Variants in SPAG17 observed in about 807,000 individuals in gnomAD.
The protein encoded by SPAG17 is sperm-associated antigen 17.
A neutral mutation model predicts 273.6 loss-of-function variants in SPAG17; 169 were observed. The observed-to-expected ratio is 0.62, with a 90% confidence interval of 0.55 to 0.70. The LOEUF (loss-of-function observed/expected upper bound fraction) is 0.70. Among genes scored for constraint, SPAG17 ranks in the 30% least tolerant of loss-of-function variants. SPAG17 has a pLI of 0.00. For synonymous variants in SPAG17, 825 were observed against 873.2 expected (o/e 0.94, Z 0.97); for missense variants, 2,557 against 2,627.8 (o/e 0.97, Z 0.59).
intron 41 of SPAG17, 77 bp from the exon 42 acceptor site, chr1:117,983,990 G>A: frequency 3.2e-6 from 2 of 630,538 alleles, no homozygotes; most frequent in South Asian, 2.6e-5. Context: ...AAATTAATAA[G>A]CAATAATGAA....
intron 3 of SPAG17, among the ~76,000 whole-genome samples, chr1:118,134,308 T>C (rs1194083554): frequency 6.6e-6 from 1 of 152,180 alleles, no homozygotes; most frequent in African/African-American, 2.4e-5. Flanking sequence ...AACATCACAG[T>C]ATGTGGAAAT....
At chr1:118,133,762 G>A (rs894518389) in intron 3 of SPAG17, among the ~76,000 whole-genome samples, 2 of 152,106 alleles carry the variant, frequency 1.3e-5, no homozygotes, top group Non-Finnish European at 2.9e-5. Flanking sequence ...TGCAGGGCCC[G>A]GACGATGGCT....
intron 18 of SPAG17, among the ~76,000 whole-genome samples, chr1:118,056,337 T>C (rs1651669578): frequency 6.6e-6 from 1 of 152,208 alleles, no homozygotes; most frequent in Non-Finnish European, 1.5e-5. Context: ...TTAGGAACTT[T>C]TAAAATTGAG....
chr1:117,997,569 A>AC (rs1402403727), intron 32 of SPAG17, among the ~76,000 whole-genome samples: 1 of 149,904 alleles, frequency 6.7e-6, no homozygotes, highest in African/African-American at 2.4e-5. Context: ...TGAGAAGTAA[A>AC]AAAAAAAAAA....
chr1:117,989,325 A>G (rs1656802926), intron 38 of SPAG17, among the ~76,000 whole-genome samples: 1 of 152,194 alleles, frequency 6.6e-6, no homozygotes, highest in Middle Eastern at 3.4e-3. Flanking sequence ...ACCTTAGGCT[A>G]CTTCCACTCA....
chr1:118,008,967 T>C (rs1002309369), intron 30 of SPAG17, among the ~76,000 whole-genome samples: 2 of 152,204 alleles, frequency 1.3e-5, no homozygotes, highest in African/African-American at 4.8e-5. Flanking sequence ...TTCAATATTA[T>C]ACTCAATGCT....
chr1:117,990,932 G>C, intron 37 of SPAG17, 26 bp from the exon 38 acceptor site: 1 of 1,409,504 alleles, frequency 7.1e-7, no homozygotes, highest in Non-Finnish European at 9.8e-7. Flanking sequence ...AATTACTTAT[G>C]ATGATTATAT....
At chr1:118,025,072 T>C (rs1372854288) in intron 27 of SPAG17, among the ~76,000 whole-genome samples, 166 bp downstream of exon 27, 16 of 152,212 alleles carry the variant, frequency 1.1e-4, no homozygotes, top group Admixed American at 1.0e-3. Context: ...GCTCTGCATA[T>C]AGTGTTTTTT....
chr1:118,074,074 A>G (rs1653865376), intron 16 of SPAG17, 107 bp from the exon 17 acceptor site: 1 of 705,558 alleles, frequency 1.4e-6, no homozygotes, highest in Non-Finnish European at 2.3e-6. Flanking sequence ...AATTGGGGAA[A>G]TCTGCATATG....
chr1:118,152,791 A>C (rs991142823), intron 1 of SPAG17, among the ~76,000 whole-genome samples: 17 of 152,190 alleles, frequency 1.1e-4, no homozygotes, highest in African/African-American at 3.1e-4. Flanking sequence ...TTAAAAGTAG[A>C]TATGATATGT....
At chr1:118,094,140 T>C (rs545718853) in intron 7 of SPAG17, among the ~76,000 whole-genome samples, 1 of 152,214 alleles carries the variant, frequency 6.6e-6, no homozygotes, top group Non-Finnish European at 1.5e-5. Flanking sequence ...ATGGTGCACC[T>C]GGTTGCTGGC....
chr1:118,150,520 C>G (rs1326188193), intron 3 of SPAG17, 23 bp downstream of exon 3: 4 of 1,321,398 alleles, frequency 3.0e-6, no homozygotes, highest in African/African-American at 1.5e-5. Context: ...ACAAAAATAT[C>G]TTCTATAAAC....
rs1473815180 is a variant in SPAG17, at chr1:117,970,049, G to A, written c.6387+7C>T. ...AGCACACACAACAGATGACATATAGGACTTACAGGTCCAGGTTTGTAAGTC... is the reference window on the plus strand; with the variant it reads ...AGCACACACAACAGATGACATATAGAACTTACAGGTCCAGGTTTGTAAGTC... On this transcript the variant is annotated splice_region_variant and intron_variant, in intron 46 of 48. Transcript: ENST00000336338. The A allele has an allele frequency of 1.2e-6, 2 of 1,613,108 alleles. No individual in the cohort carries two copies. The highest frequency in any genetic ancestry group is 1.7e-6 in the Non-Finnish European group (2 of 1,179,576).
At chr1:117,954,565 A>G in intron 48 of SPAG17, 8 of 1,611,804 alleles carry the variant, frequency 5.0e-6, no homozygotes, top group Non-Finnish European at 5.9e-6. Context: ...ACTTGATTTA[A>G]TAATTTCTTC....
At chr1:118,062,992 T>C (rs1302682403) in intron 18 of SPAG17, among the ~76,000 whole-genome samples, 3 of 152,158 alleles carry the variant, frequency 2.0e-5, no homozygotes, top group Non-Finnish European at 4.4e-5. Context: ...TTCTGTGTAA[T>C]TAATGGGTCA....
intron 20 of SPAG17, among the ~76,000 whole-genome samples, chr1:118,053,582 A>G (rs1651306307): frequency 6.6e-6 from 1 of 152,062 alleles, no homozygotes; most frequent in Admixed American, 6.6e-5. Flanking sequence ...AAAAAGTAAT[A>G]CATTTACATT....
At chr1:118,078,853 T>C (rs1046181013) in intron 15 of SPAG17, among the ~76,000 whole-genome samples, 1 of 152,076 alleles carries the variant, frequency 6.6e-6, no homozygotes, top group Non-Finnish European at 1.5e-5. Flanking sequence ...AATGTGTTAA[T>C]TGATGTTATA....
intron 25 of SPAG17, among the ~76,000 whole-genome samples, chr1:118,031,177 CTTTTTTT>C (rs1015324627): frequency 2.9e-4 from 16 of 54,926 alleles, no homozygotes; most frequent in African/African-American, 7.2e-4. Context: ...GAGGACTACT[CTTTTTTT>C]TTTTTTTTTT....
chr1:118,004,114 C>A (rs1040858943), intron 32 of SPAG17, among the ~76,000 whole-genome samples: 3 of 152,128 alleles, frequency 2.0e-5, no homozygotes, highest in African/African-American at 7.2e-5. Context: ...GCCTGGGTAT[C>A]ACTAGTGGAG....
Sources: gnomAD v4.1 joint callset for allele counts (sites outside exome capture counted in the v4.1 genomes callset) on GRCh38, gnomAD v4.1.1 for gene constraint, MANE v1.5 for transcripts, NCBI Gene and HGNC (gene_info 2026-07-23, HGNC 2026-07-21) for gene names.